The following DACH1 variants were observed in gnomAD, a reference collection of about 807,000 sequenced individuals.
The protein encoded by DACH1 is dachshund homolog 1.
DACH1 carries 12 observed loss-of-function variants against 54.2 expected under a neutral mutation model. The ratio of observed to expected loss-of-function variants is 0.22; its 90% CI spans 0.14 to 0.36. DACH1 has a LOEUF of 0.36. Among genes scored for constraint, DACH1 ranks in the 10% least tolerant of loss-of-function variants. DACH1 has a pLI of 1.00. For missense variants in DACH1, 805 were observed against 929.8 expected, an observed-to-expected ratio of 0.87 and a Z score of 1.75; for synonymous variants, 386 against 366.2, an observed-to-expected ratio of 1.05 and a Z score of -0.62.
chr13:71,846,634 G>A (rs907159847), intron 1 of DACH1, among the ~76,000 whole-genome samples: 1 of 152,184 alleles, frequency 6.6e-6, no homozygotes, highest in African/African-American at 2.4e-5. Flanking sequence ...TCCATAGGTA[G>A]GTAGGTAGAT....
chr13:71,678,437 C>A (rs2138694454), intron 2 of DACH1, among the ~76,000 whole-genome samples: 1 of 152,184 alleles, frequency 6.6e-6, no homozygotes, highest in African/African-American at 2.4e-5. Context: ...GAAGGTAACG[C>A]CATTCATGTG....
At chr13:71,814,712 T>C (rs1050370513) in intron 1 of DACH1, among the ~76,000 whole-genome samples, 3 of 152,242 alleles carry the variant, frequency 2.0e-5, no homozygotes, top group Admixed American at 2.0e-4. Context: ...TTAATTGCCA[T>C]AGCAATTGTC....
chr13:71,567,683 T>A (rs951099404), intron 4 of DACH1, among the ~76,000 whole-genome samples: 28 of 152,046 alleles, frequency 1.8e-4, no homozygotes, highest in African/African-American at 6.8e-4. Flanking sequence ...GTGCTGTTAT[T>A]ACATAAAATA....
intron 3 of DACH1, among the ~76,000 whole-genome samples, chr13:71,599,828 TAC>T (rs113936121): frequency 0.015 from 2,237 of 146,656 alleles, 20 homozygotes; most frequent in Non-Finnish European, 0.019. Context: ...AACACATTTC[TAC>T]ACACACACAC....
At chr13:71,490,145 T>C (rs1183697228) in intron 6 of DACH1, among the ~76,000 whole-genome samples, 1 of 152,162 alleles carries the variant, frequency 6.6e-6, no homozygotes, top group Non-Finnish European at 1.5e-5. Context: ...ATCAGAGCAA[T>C]GTATTTGCAC....
At chr13:71,767,376 T>C (rs1019313295) in intron 1 of DACH1, among the ~76,000 whole-genome samples, 3 of 152,006 alleles carry the variant, frequency 2.0e-5, no homozygotes, top group Admixed American at 6.6e-5. Flanking sequence ...GAATAAAATA[T>C]CTAAGAATAT....
chr13:71,802,350 T>C (rs974164220), intron 1 of DACH1, among the ~76,000 whole-genome samples: 2 of 152,094 alleles, frequency 1.3e-5, no homozygotes, highest in African/African-American at 4.8e-5. Flanking sequence ...ACTGGGTTTG[T>C]GAATCCATTT....
At chr13:71,794,992 G>C (rs970266339) in intron 1 of DACH1, among the ~76,000 whole-genome samples, 5 of 151,918 alleles carry the variant, frequency 3.3e-5, no homozygotes, top group African/African-American at 1.2e-4. Context: ...CATAGCCAAA[G>C]AATGGTTAAA....
chr13:71,774,849 A>G (rs1445557083), intron 1 of DACH1, among the ~76,000 whole-genome samples: 1 of 152,158 alleles, frequency 6.6e-6, no homozygotes, highest in Non-Finnish European at 1.5e-5. Context: ...TTTCTATGAA[A>G]CTAAATTGAT....
intron 1 of DACH1, among the ~76,000 whole-genome samples, chr13:71,832,746 G>A (rs1164961032): frequency 2.6e-5 from 4 of 151,896 alleles, no homozygotes; most frequent in East Asian, 1.9e-4. Context: ...TGTAAGAGAA[G>A]GCATGATATC....
At chr13:71,739,624 T>G (rs1226839898) in intron 1 of DACH1, among the ~76,000 whole-genome samples, 2 of 152,114 alleles carry the variant, frequency 1.3e-5, no homozygotes, top group African/African-American at 4.8e-5. Context: ...GAGCCACAGG[T>G]GGGTAGCAGC....
chr13:71,582,173 A>G (rs1235899034), intron 3 of DACH1, among the ~76,000 whole-genome samples: 2 of 152,292 alleles, frequency 1.3e-5, no homozygotes, highest in East Asian at 3.9e-4. Flanking sequence ...TTAATCCTGA[A>G]GAGCTGAGCA....
rs535692696 is a variant in DACH1 at position 71,644,389 on chromosome 13, G to C, written c.965-13672C>G. 2.6e-5 allele frequency among the ~76,000 whole-genome samples: 4 copies of C among 152,202 alleles called. No individual in the cohort carries two copies. In the South Asian group the frequency reaches 8.3e-4, roughly 32 times the overall value. ...ATCAGTATTTTCTAGAGAAGTAAAC[G>C]AACTGAGTTCTTCTCAACTACATCC... On this transcript the variant is annotated intron_variant, in intron 2 of 10. Transcript: ENST00000613252.
chr13:71,631,363 C>T (rs1193436718), intron 2 of DACH1, among the ~76,000 whole-genome samples: 4 of 152,130 alleles, frequency 2.6e-5, no homozygotes, highest in Admixed American at 6.6e-5. Context: ...TCTTCTCCCC[C>T]TGACCCACGT....
chr13:71,531,555 A>G (rs1338211448), intron 6 of DACH1, among the ~76,000 whole-genome samples: 1 of 152,054 alleles, frequency 6.6e-6, no homozygotes, highest in African/African-American at 2.4e-5. Flanking sequence ...TTTAATTTGC[A>G]TAATGAGCTT....
chr13:71,509,972 T>G (rs1880645206), intron 6 of DACH1, among the ~76,000 whole-genome samples: 1 of 152,094 alleles, frequency 6.6e-6, no homozygotes. Context: ...TATAACTACT[T>G]TTATCAAAGT....
chr13:71,658,069 A>T (rs1193379368), intron 2 of DACH1, among the ~76,000 whole-genome samples: 1 of 152,208 alleles, frequency 6.6e-6, no homozygotes, highest in Non-Finnish European at 1.5e-5. Flanking sequence ...TCTGAACCAT[A>T]ACTCTGTAGT....
intron 1 of DACH1, among the ~76,000 whole-genome samples, chr13:71,854,868 A>G (rs1406848471): frequency 6.6e-6 from 1 of 152,100 alleles, no homozygotes; most frequent in Non-Finnish European, 1.5e-5. Flanking sequence ...ACAGCCAAAG[A>G]ACTGATATGA....
At chr13:71,629,616 A>G (rs1465054457) in intron 3 of DACH1, among the ~76,000 whole-genome samples, 2 of 152,166 alleles carry the variant, frequency 1.3e-5, no homozygotes, top group Non-Finnish European at 2.9e-5. Flanking sequence ...TTGAAAGTAG[A>G]GAGCTGACAA....
Sources: gnomAD v4.1 joint callset for allele counts (sites outside exome capture counted in the v4.1 genomes callset) on GRCh38, gnomAD v4.1.1 for gene constraint, MANE v1.5 for transcripts, NCBI Gene and HGNC (gene_info 2026-07-23, HGNC 2026-07-21) for gene names.